The following CATSPERT variants were observed in gnomAD, a reference collection of about 807,000 sequenced individuals.
The protein encoded by CATSPERT is catsper channel auxiliary subunit tau.
the CATSPERT span, among the ~76,000 whole-genome samples, chr2:201,588,060 C>G: frequency 6.6e-6 from 1 of 152,074 alleles, no homozygotes; most frequent in Non-Finnish European, 1.5e-5. Flanking sequence ...TGAATTCTAC[C>G]AGATGTACAA....
chr2:201,536,189 G>A, the CATSPERT span: 4 of 1,613,428 alleles, frequency 2.5e-6, no homozygotes, highest in Middle Eastern at 1.7e-4. Context: ...TAGAAATAGT[G>A]CACAATGAGT....
At chr2:201,572,565 T>C in the CATSPERT span, among the ~76,000 whole-genome samples, 6 of 152,212 alleles carry the variant, frequency 3.9e-5, no homozygotes, top group Admixed American at 2.6e-4. Flanking sequence ...CCCAGTTTTA[T>C]CTGAAAAGAA....
the CATSPERT span, among the ~76,000 whole-genome samples, chr2:201,578,154 A>G: frequency 6.6e-6 from 1 of 152,160 alleles, no homozygotes; most frequent in African/African-American, 2.4e-5. Flanking sequence ...ATAATCATAC[A>G]TAAGTAGTAA....
the CATSPERT span, among the ~76,000 whole-genome samples, chr2:201,613,855 A>G: frequency 6.6e-6 from 1 of 152,220 alleles, no homozygotes; most frequent in Non-Finnish European, 1.5e-5. Context: ...ACTGTAGAGA[A>G]GTCCTTAAAT....
chr2:201,514,525 A>G, the CATSPERT span, among the ~76,000 whole-genome samples: 2 of 152,214 alleles, frequency 1.3e-5, no homozygotes, highest in African/African-American at 4.8e-5. Flanking sequence ...ACTAGAAGAG[A>G]CTTTCTTAAA....
At chr2:201,581,542 ATGTGTGT>A in the CATSPERT span, among the ~76,000 whole-genome samples, 1 of 40,968 alleles carries the variant, frequency 2.4e-5, no homozygotes, top group African/African-American at 1.1e-4. Flanking sequence ...CTGGAAAAAA[ATGTGTGT>A]ATATATATAT....
At chr2:201,496,058 A>G in the CATSPERT span, 1 of 860,398 alleles carries the variant, frequency 1.2e-6, no homozygotes, top group Non-Finnish European at 1.7e-6. Context: ...TTAGAGATAT[A>G]AAATTTTTAA....
At chr2:201,491,197 A>T in the CATSPERT span, 1 of 1,535,220 alleles carries the variant, frequency 6.5e-7, no homozygotes. Context: ...AGTCCAGTGA[A>T]GCAGTGTCCT....
At chr2:201,517,200 G>A in the CATSPERT span, among the ~76,000 whole-genome samples, 1 of 152,052 alleles carries the variant, frequency 6.6e-6, no homozygotes, top group Non-Finnish European at 1.5e-5. Context: ...CCACCACTAA[G>A]GGAGAGTGAG....
the CATSPERT span, among the ~76,000 whole-genome samples, chr2:201,599,719 A>G: frequency 6.6e-6 from 1 of 152,186 alleles, no homozygotes; most frequent in African/African-American, 2.4e-5. Context: ...AATGTGCTCA[A>G]ACTAACAGTA....
the CATSPERT span, among the ~76,000 whole-genome samples, chr2:201,521,698 AAAAG>A: frequency 6.6e-6 from 1 of 152,332 alleles, no homozygotes; most frequent in South Asian, 2.1e-4. Context: ...ACACAACAAA[AAAAG>A]AAAGAAAACT....
At chr2:201,547,612 TAAAG>T in the CATSPERT span, 2 of 1,448,286 alleles carry the variant, frequency 1.4e-6, no homozygotes, top group Middle Eastern at 1.8e-4. Context: ...TTTTCCAGCC[TAAAG>T]AAAGAAATAA....
chr2:201,560,570 C>T, the CATSPERT span, among the ~76,000 whole-genome samples: 22 of 151,730 alleles, frequency 1.4e-4, no homozygotes, highest in East Asian at 3.5e-3. Context: ...TGAAATAATA[C>T]GGGCAGATGA....
At chr2:201,497,819 T>C in the CATSPERT span, among the ~76,000 whole-genome samples, 1 of 152,154 alleles carries the variant, frequency 6.6e-6, no homozygotes, top group Non-Finnish European at 1.5e-5. Flanking sequence ...AGACTGAACA[T>C]GTGAGTCTAC....
At chr2:201,491,049 T>A in the CATSPERT span, 3 of 837,910 alleles carry the variant, frequency 3.6e-6, no homozygotes, top group African/African-American at 5.2e-5. Context: ...AAATTGGAGG[T>A]CTGTATGTCT....
chr2:201,491,894 C>A, the CATSPERT span: 2 of 1,536,868 alleles, frequency 1.3e-6, no homozygotes, highest in Non-Finnish European at 1.7e-6. Context: ...TGCGTGAATA[C>A]ATGTTCTTTC....
At chr2:201,544,514 C>T in the CATSPERT span, among the ~76,000 whole-genome samples, 1 of 150,298 alleles carries the variant, frequency 6.7e-6, no homozygotes, top group Admixed American at 6.7e-5. Context: ...CTAATTTCCT[C>T]TCCTTCTTCC....
the CATSPERT span, among the ~76,000 whole-genome samples, chr2:201,581,203 C>T: frequency 4.6e-5 from 7 of 150,954 alleles, no homozygotes; most frequent in South Asian, 2.1e-4. Context: ...CTCAGGAGTA[C>T]GAGACCAGCC....
At chr2:201,549,189 A>G in the CATSPERT span, among the ~76,000 whole-genome samples, 5 of 152,188 alleles carry the variant, frequency 3.3e-5, no homozygotes, top group Non-Finnish European at 5.9e-5. Context: ...GTTTAAATCT[A>G]TGAGTTCAAA....
Sources: gnomAD v4.1 joint callset for allele counts (sites outside exome capture counted in the v4.1 genomes callset) on GRCh38, gnomAD v4.1.1 for gene constraint, MANE v1.5 for transcripts, NCBI Gene and HGNC (gene_info 2026-07-23, HGNC 2026-07-21) for gene names.